The following TRPM6 variants were observed in gnomAD, a reference collection of about 807,000 sequenced individuals.
The protein encoded by TRPM6 is channel kinase 2.
In TRPM6, 111 loss-of-function variants were observed where a neutral mutation model predicts 247.6. That is an observed-to-expected ratio of 0.45 (90% CI 0.38 to 0.52). The LOEUF (loss-of-function observed/expected upper bound fraction) is 0.52. Ranked by LOEUF, TRPM6 falls within the 20% of genes least tolerant of loss-of-function variation. TRPM6 has a pLI of 0.00. For missense variants in TRPM6, 2,126 were observed against 2,421.5 expected, an observed-to-expected ratio of 0.88 and a Z score of 2.56; for synonymous variants, 892 against 853.8, an observed-to-expected ratio of 1.04 and a Z score of -0.78.
In TRPM6 at chr9:74,738,559, A is replaced by C. The variant is rs771877503; in HGVS notation, c.5624T>G (p.Ile1875Ser). Residue 1875 changes from isoleucine (I) to serine (S), a missense_variant, in exon 36 of 39, where the codon ATT becomes AGT. Ile to Ser is a moderately radical substitution (Grantham distance 142). Around this residue, in one of 3 missense-constraint regions of TRPM6, gnomAD observed 327 missense variants for 397.7 expected, o/e 0.82. Coordinates refer to ENST00000360774, the MANE Select transcript of TRPM6 (RefSeq NM_017662.5). ...GAACTCCCCTGTCATATACTTCTCA[A>C]TGGTCAACCACTGGTTGGCTGAATG... ...YCHSANQWLT[I>S]EKYMTGEFRK... 1 of 1,614,038 alleles carries C rather than the reference A, an allele frequency of 6.2e-7. No individual in the cohort carries two copies. The highest frequency in any genetic ancestry group is 1.3e-5 in the African/African-American group (1 of 75,020).
Position 74,748,032 on chromosome 9 carries a change from T to C in TRPM6, c.5058-118A>G, listed in dbSNP as rs919740317. Reference sequence around the variant, plus strand: ...ACAAAGTATATATTTTATATACATGTGAAATACATATACAGTCATGTACTG... The same window carrying C: ...ACAAAGTATATATTTTATATACATGCGAAATACATATACAGTCATGTACTG... On this transcript the variant is annotated intron_variant, in intron 30 of 38. Coordinates refer to ENST00000360774, the MANE Select transcript of TRPM6 (RefSeq NM_017662.5). 3 of 936,648 alleles carry C rather than the reference T, an allele frequency of 3.2e-6. No individual in the cohort carries two copies. In the African/African-American group the frequency reaches 4.9e-5, roughly 15 times the overall value. 58.0% of individuals were successfully genotyped at this position (936,648 alleles called of 1,614,324 possible).
intron 5 of TRPM6, among the ~76,000 whole-genome samples, chr9:74,838,594 T>C (rs1371484808): frequency 6.6e-6 from 1 of 152,250 alleles, no homozygotes; most frequent in Non-Finnish European, 1.5e-5. Context: ...TGACTCATCC[T>C]AGCCTGTAAG....
At chr9:74,887,630 C>T in intron 1 of TRPM6, 194 bp downstream of exon 1, 2 of 1,557,460 alleles carry the variant, frequency 1.3e-6, no homozygotes, top group Non-Finnish European at 1.7e-6. Context: ...GCGTACACTA[C>T]CTTAGATAGG....
In TRPM6 at chr9:74,792,608, T is replaced by C; in HGVS notation, c.2538+16A>G. 1.2e-6 allele frequency: 2 copies of C among 1,612,762 alleles called. No homozygotes were observed. Among genetic ancestry groups the C allele is most frequent in the Non-Finnish European group, 1.7e-6 (2 of 1,178,786 alleles). On this transcript the variant is annotated intron_variant, in intron 19 of 38. Transcript: ENST00000360774. ...ATCATCATTAATCCGACATATATTGTTGCAATGAGACCAACCGTATAAAAC... is the reference window on the plus strand; with the variant it reads ...ATCATCATTAATCCGACATATATTGCTGCAATGAGACCAACCGTATAAAAC...
rs77609269 is a variant in TRPM6, at chr9:74,784,497, T to A, written c.2919+1377A>T. Among the ~76,000 whole-genome samples the A allele has an allele frequency of 8.3e-3, 1,256 of 152,230 alleles. 10 individuals are homozygous for A. The highest frequency in any genetic ancestry group is 0.024 in the Middle Eastern group (7 of 294). The stretch of plus-strand genomic sequence containing the variant: ...AATGAGTTAATACATACTAATTACC[T>A]AGAACAGTGTGTGGCCTATAGTAAG... On this transcript the variant is annotated intron_variant, in intron 21 of 38. Transcript: ENST00000360774.
chr9:74,742,274 C>T (rs1417578339), intron 33 of TRPM6, among the ~76,000 whole-genome samples: 1 of 152,144 alleles, frequency 6.6e-6, no homozygotes, highest in Non-Finnish European at 1.5e-5. Flanking sequence ...CTTTTCTTTC[C>T]TACTTACTTC....
intron 1 of TRPM6, among the ~76,000 whole-genome samples, chr9:74,881,082 G>T (rs1003981736): frequency 5.9e-5 from 9 of 151,974 alleles, no homozygotes; most frequent in African/African-American, 1.9e-4. Context: ...ATCACTTGAG[G>T]CCAGGAGTTC....
chr9:74,772,421 C>T (rs9919001), intron 24 of TRPM6, among the ~76,000 whole-genome samples: 1,950 of 152,292 alleles, frequency 0.013, 36 homozygotes, highest in African/African-American at 0.043. Flanking sequence ...AAATTCACTG[C>T]GTTTATATGA....
intron 3 of TRPM6, among the ~76,000 whole-genome samples, chr9:74,842,766 T>A (rs1403626754): frequency 1.3e-5 from 2 of 152,214 alleles, no homozygotes; most frequent in Non-Finnish European, 2.9e-5. Flanking sequence ...ATTAAAATAA[T>A]TTATTGCTAA....
In TRPM6 at chr9:74,808,137, T is replaced by C. The variant is rs1268121494; in HGVS notation, c.1535A>G (p.Asp512Gly). 6 of 1,614,016 alleles carry C rather than the reference T, an allele frequency of 3.7e-6. No homozygotes were observed. In the South Asian group the frequency reaches 4.4e-5, roughly 12 times the overall value. The change falls in exon 14 of 39, where the codon GAC becomes GGC. Residue 512 changes from aspartate to glycine, a missense_variant. Physicochemically the swap from Asp to Gly is moderately conservative, Grantham distance 94. This residue lies in a region of TRPM6 where 1,082 missense variants were observed against 1,307.9 expected (regional missense o/e 0.83). Transcript: ENST00000360774. ...LLSGYRITLI[D>G]IGLVVEYLIG... Reference sequence around the variant, plus strand: ...GAGGTATTCTACTACTAATCCAATGTCAATCAAGGTTATTCGGTAGCCTGA... The same window carrying C: ...GAGGTATTCTACTACTAATCCAATGCCAATCAAGGTTATTCGGTAGCCTGA...
At chr9:74,772,026 C>T (rs1023495904) in intron 24 of TRPM6, among the ~76,000 whole-genome samples, 191 bp from the exon 25 acceptor site, 4 of 152,234 alleles carry the variant, frequency 2.6e-5, no homozygotes, top group African/African-American at 7.2e-5. Flanking sequence ...CAGTGGTTCA[C>T]GCTTGTAATC....
At chr9:74,782,946 AT>A in intron 21 of TRPM6, 93 bp from the exon 22 acceptor site, 1 of 1,206,514 alleles carries the variant, frequency 8.3e-7, no homozygotes, top group African/African-American at 1.5e-5. Context: ...ATACCTGCAA[AT>A]AATAAGATTG....
Position 74,762,780 on chromosome 9 carries a change from C to T in TRPM6, c.3891G>A (p.Arg1297=), listed in dbSNP as rs368057262. ...TGTTTGTAATCTCAAGAAGTGCCCC[C>T]CTCTGCACTCTTGGGGGATGCCGGC... is the stretch of plus-strand genomic sequence containing the variant. ...AGGRHPPRVQ[R]GALLEITNSK... is the part of the protein sequence containing the mutation. Residue 1297 remains arginine, a synonymous_variant, in exon 26 of 39, where the codon AGG becomes AGA. Transcript: ENST00000360774. The T allele has an allele frequency of 6.2e-7, 1 of 1,614,122 alleles. No homozygotes were observed. The highest frequency in any genetic ancestry group is 1.1e-5 in the South Asian group (1 of 91,076).
At chr9:74,749,765 T>G (rs1320588499) in intron 30 of TRPM6, among the ~76,000 whole-genome samples, 2 of 152,240 alleles carry the variant, frequency 1.3e-5, no homozygotes, top group African/African-American at 2.4e-5. Context: ...CTACTCTGCA[T>G]GAGCACAAAC....
Position 74,858,672 on chromosome 9 carries a change from T to C in TRPM6, c.110A>G (p.His37Arg). ...STIIPSSKNP[H>R]RCTPVCQVCQ... ...AGAAGGTAATTGAAAATTTTACCTG[T>C]GAGGATTTTTTGAGCTGGGTATGAT... The change falls in exon 2 of 39, where the codon CAC becomes CGC. Residue 37 changes from histidine (H) to arginine (R), a missense_variant. Coordinates refer to ENST00000360774, the MANE Select transcript of TRPM6 (RefSeq NM_017662.5). 1 of 1,611,718 alleles carries C rather than the reference T, an allele frequency of 6.2e-7. No homozygotes were observed. Among genetic ancestry groups the C allele is most frequent in the Admixed American group, 1.7e-5 (1 of 59,944 alleles).
intron 27 of TRPM6, among the ~76,000 whole-genome samples, chr9:74,756,201 C>G (rs1287748697): frequency 1.3e-5 from 2 of 152,134 alleles, no homozygotes; most frequent in African/African-American, 2.4e-5. Flanking sequence ...AAACTCATGG[C>G]ATTTTTCCTG....
rs748320958 is a variant in TRPM6, at chr9:74,833,924, T to G, written c.669+74A>C. On this transcript the variant is annotated intron_variant, in intron 6 of 38. Transcript: ENST00000360774. ...ATCTGTAATGTTCATTCATTAGACA[T>G]CCAGGTACAGTGTTAAGCTGGCAAT... The G allele has an allele frequency of 2.2e-4, 356 of 1,585,536 alleles. 1 individual carries two copies. Among genetic ancestry groups the G allele is most frequent in the South Asian group, 2.0e-3 (176 of 90,064 alleles).
chr9:74,821,951 A>T, intron 7 of TRPM6, 114 bp from the exon 8 acceptor site: 1 of 1,188,454 alleles, frequency 8.4e-7, no homozygotes, highest in South Asian at 1.3e-5. Context: ...CATTCCTCAC[A>T]CTGGCCCCTC....
At chr9:74,840,600 A>G (rs1829903072) in intron 4 of TRPM6, among the ~76,000 whole-genome samples, 1 of 152,172 alleles carries the variant, frequency 6.6e-6, no homozygotes, top group Non-Finnish European at 1.5e-5. Flanking sequence ...GGAACACCTG[A>G]GGTCAGGAGT....
Sources: allele counts gnomAD v4.1 joint callset (sites outside exome capture counted in the v4.1 genomes callset), GRCh38; gene constraint gnomAD v4.1.1; regional missense constraint gnomAD v4.1.1; transcripts MANE v1.5; gene names NCBI Gene and HGNC (gene_info 2026-07-23, HGNC 2026-07-21).